TNIK: variants seen among roughly 807,000 people sequenced by gnomAD.
TNIK encodes TRAF2 and NCK interacting kinase.
A neutral mutation model predicts 191.3 loss-of-function variants in TNIK; 49 were observed. That is an observed-to-expected ratio of 0.26 (90% CI 0.20 to 0.32). TNIK has a LOEUF of 0.32. Among genes scored for constraint, TNIK ranks in the 10% least tolerant of loss-of-function variants. The pLI, the probability that TNIK is intolerant of heterozygous loss-of-function variation, is 1.00. For synonymous variants in TNIK, 594 were observed against 600.9 expected (o/e 0.99, Z 0.17); for missense variants, 1,155 against 1,702.3 (o/e 0.68, Z 5.66).
intron 18 of TNIK, among the ~76,000 whole-genome samples, chr3:171,112,598 A>G (rs1726013240): frequency 1.3e-5 from 2 of 152,190 alleles, no homozygotes; most frequent in South Asian, 4.1e-4. Context: ...TGGAATCTAC[A>G]AACATCAAAC....
intron 1 of TNIK, among the ~76,000 whole-genome samples, chr3:171,388,305 A>G (rs183918625): frequency 6.6e-6 from 1 of 152,334 alleles, no homozygotes; most frequent in African/African-American, 2.4e-5. Flanking sequence ...AAACATAACA[A>G]CTTCCCATTG....
intron 18 of TNIK, among the ~76,000 whole-genome samples, chr3:171,115,465 A>G (rs557389938): frequency 1.3e-5 from 2 of 152,352 alleles, no homozygotes; most frequent in Non-Finnish European, 2.9e-5. Context: ...TATGTTGTGT[A>G]TGAAAGAGAC....
At chr3:171,327,928 A>AAAAAAAAC (rs1560433753) in intron 2 of TNIK, among the ~76,000 whole-genome samples, 7 of 129,464 alleles carry the variant, frequency 5.4e-5, no homozygotes, top group African/African-American at 1.9e-4. Context: ...AAAAAAAAAA[A>AAAAAAAAC]AAATCACTTG....
At chr3:171,224,697 C>T (rs779222194) in intron 3 of TNIK, among the ~76,000 whole-genome samples, 12 of 152,226 alleles carry the variant, frequency 7.9e-5, no homozygotes, top group Middle Eastern at 3.4e-3. Context: ...TGCTGATGGT[C>T]CACTTTAAGA....
At chr3:171,439,247 G>C (rs967037552) in intron 1 of TNIK, among the ~76,000 whole-genome samples, 2 of 151,794 alleles carry the variant, frequency 1.3e-5, no homozygotes, top group African/African-American at 4.9e-5. Context: ...GGGAGGCTGA[G>C]GCAGGAGAAT....
In TNIK at chr3:171,128,762, T is replaced by C. The variant is rs550799167; in HGVS notation, c.1725A>G (p.Gly575=). 6.2e-7 allele frequency: 1 copy of C among 1,613,298 alleles called. No homozygotes were observed. The highest frequency in any genetic ancestry group is 2.2e-5 in the East Asian group (1 of 44,858). The change falls in exon 16 of 33, where the codon GGA becomes GGG. Residue 575 remains glycine (G), a synonymous_variant. Coordinates refer to ENST00000436636, the MANE Select transcript of TNIK (RefSeq NM_015028.4). ...TGGGGGGTGTTCGAGCAGGCTGAAC[T>C]CCACTAATGCTGAAGGACTCCGACC... The part of the protein sequence containing the change: ...PPRSESFSIS[G]VQPARTPPML...
intron 14 of TNIK, 133 bp from the exon 15 acceptor site, chr3:171,138,512 A>C: frequency 1.2e-6 from 1 of 806,948 alleles, no homozygotes; most frequent in Non-Finnish European, 1.8e-6. Flanking sequence ...CAACAGAATG[A>C]CAGAAGGATG....
At chr3:171,162,976 G>GA (rs1165172245) in intron 10 of TNIK, among the ~76,000 whole-genome samples, 3 of 152,192 alleles carry the variant, frequency 2.0e-5, no homozygotes, top group Non-Finnish European at 4.4e-5. Flanking sequence ...AGTCTTTGGA[G>GA]AAAAAATGAA....
chr3:171,166,935 G>T (rs1269039673), intron 10 of TNIK, among the ~76,000 whole-genome samples, 160 bp downstream of exon 10: 2 of 152,050 alleles, frequency 1.3e-5, no homozygotes, highest in African/African-American at 4.8e-5. Flanking sequence ...ATAGTCTCAC[G>T]CCACTGATGC....
In TNIK at chr3:171,460,275, T is replaced by C. The variant is rs1412216454; in HGVS notation, c.-212A>G. ...TCCGGGAGCCCAGCCTGCGCGGATC[T>C]CCAAGCCCCGAGCAGCGGTGCGTGT... On this transcript the variant is annotated 5_prime_UTR_variant, in exon 1 of 33. Transcript: ENST00000436636. The surrounding 1 kb of genome is among the most constrained non-coding windows in gnomAD (Gnocchi z 6.8). 6.4e-6 allele frequency: 4 copies of C among 625,502 alleles called. No individual in the cohort carries two copies. The highest frequency in any genetic ancestry group is 1.9e-5 in the African/African-American group (1 of 53,732). 38.7% of individuals were successfully genotyped at this position (625,502 alleles called of 1,614,324 possible). A position where few individuals can be genotyped will look rare whatever the true frequency, so the allele number is the denominator to read the frequency against.
chr3:171,211,344 G>A, intron 3 of TNIK, 103 bp from the exon 4 acceptor site: 1 of 1,306,112 alleles, frequency 7.7e-7, no homozygotes, highest in Non-Finnish European at 1.0e-6. Context: ...TTTCTTCCTT[G>A]TTGACAAATG....
At position 171,149,163 on chromosome 3, in the gene TNIK, A is replaced by G. The variant is rs1472198853; in HGVS notation, c.1221+8297T>C. 2.0e-5 allele frequency among the ~76,000 whole-genome samples: 3 copies of G among 152,252 alleles called. No individual in the cohort carries two copies. In the East Asian group the frequency reaches 5.8e-4, roughly 29 times the overall value. Reference sequence around the variant, plus strand: ...TTAGGAATAACTAAGAAGACTGTGAACACACAAAACATACAGACTAGATGT... The same window carrying G: ...TTAGGAATAACTAAGAAGACTGTGAGCACACAAAACATACAGACTAGATGT... On this transcript the variant is annotated intron_variant, in intron 12 of 32. Coordinates refer to ENST00000436636, the MANE Select transcript of TNIK (RefSeq NM_015028.4).
chr3:171,459,831 G>A (rs941212482), intron 1 of TNIK, among the ~76,000 whole-genome samples, 176 bp downstream of exon 1: 19 of 152,158 alleles, frequency 1.2e-4, no homozygotes, highest in African/African-American at 4.6e-4. Context: ...CCCTGCCGTA[G>A]GGGCTCAGCC....
intron 1 of TNIK, among the ~76,000 whole-genome samples, chr3:171,405,589 T>G (rs1721566538): frequency 6.6e-6 from 1 of 152,098 alleles, no homozygotes. Context: ...TAGATTCATT[T>G]TATTCAACTT....
At chr3:171,455,259 CT>C (rs536615694) in intron 1 of TNIK, among the ~76,000 whole-genome samples, 20 of 149,660 alleles carry the variant, frequency 1.3e-4, no homozygotes, top group South Asian at 2.1e-4. Context: ...TCTTAGTCTT[CT>C]TTTTTTTTTC....
intron 30 of TNIK, 82 bp downstream of exon 30, chr3:171,068,766 C>T: frequency 7.0e-7 from 1 of 1,426,430 alleles, no homozygotes; most frequent in East Asian, 2.5e-5. Context: ...ATGACTTCTA[C>T]TAAAACTATG....
intron 2 of TNIK, among the ~76,000 whole-genome samples, chr3:171,288,703 G>A (rs910023284): frequency 1.1e-4 from 16 of 151,900 alleles, no homozygotes; most frequent in Middle Eastern, 3.4e-3. Flanking sequence ...AGCTACTTGA[G>A]AGGCTGAGGC....
In TNIK at chr3:171,275,672, G is replaced by A. The variant is rs899826804; in HGVS notation, c.124-47451C>T. 1.1e-4 allele frequency among the ~76,000 whole-genome samples: 16 copies of A among 152,112 alleles called. No individual in the cohort carries two copies. The South Asian group carries it at 1.7e-3, about 16-fold the overall frequency. ...AGCACTTTGGGAGGCCAAGGTGGGC[G>A]GATCATGAGGACAGGAGATCAAGAC... On this transcript the variant is annotated intron_variant, in intron 2 of 32. Coordinates refer to ENST00000436636, the MANE Select transcript of TNIK (RefSeq NM_015028.4).
At chr3:171,406,420 T>C (rs1463621841) in intron 1 of TNIK, among the ~76,000 whole-genome samples, 2 of 151,566 alleles carry the variant, frequency 1.3e-5, no homozygotes, top group African/African-American at 4.9e-5. Context: ...CCATTTGGGG[T>C]TTGGGGTTTA....
Sources: allele counts gnomAD v4.1 joint callset (sites outside exome capture counted in the v4.1 genomes callset), GRCh38; gene constraint gnomAD v4.1.1; non-coding constraint Gnocchi (gnomAD v3.1); transcripts MANE v1.5; gene names NCBI Gene and HGNC (gene_info 2026-07-23, HGNC 2026-07-21).